ZNF536: variants seen among roughly 807,000 people sequenced by gnomAD.
The protein encoded by ZNF536 is zinc finger protein 536.
A neutral mutation model predicts 84.5 loss-of-function variants in ZNF536; 13 were observed. The observed-to-expected ratio is 0.15, with a 90% CI of 0.10 to 0.24. The LOEUF (loss-of-function observed/expected upper bound fraction) is 0.24, where lower values mean the gene tolerates loss of function less well. Ranked by LOEUF, ZNF536 falls within the 10% of genes least tolerant of loss-of-function variation. The pLI, the probability that ZNF536 is intolerant of heterozygous loss-of-function variation, is 1.00. For synonymous variants in ZNF536, 811 were observed against 742.5 expected, an observed-to-expected ratio of 1.09 and a Z score of -1.50; for missense variants, 1,536 against 1,747.5, an observed-to-expected ratio of 0.88 and a Z score of 2.16.
intron 1 of ZNF536, among the ~76,000 whole-genome samples, chr19:30,381,231 T>C (rs1358204596): frequency 6.6e-6 from 1 of 152,168 alleles, no homozygotes; most frequent in Non-Finnish European, 1.5e-5. Flanking sequence ...GGAGCTAATA[T>C]CTCTTGATTA....
intron 2 of ZNF536, among the ~76,000 whole-genome samples, chr19:30,295,985 A>G (rs997931344): frequency 6.6e-6 from 1 of 152,196 alleles, no homozygotes; most frequent in Non-Finnish European, 1.5e-5. Flanking sequence ...CATGGGGCCC[A>G]GACCAGTGTC....
At chr19:30,562,489 G>A (rs1446600869), downstream of ZNF536, among the ~76,000 whole-genome samples, 1 of 152,160 alleles carries the variant, frequency 6.6e-6, no homozygotes, top group African/African-American at 2.4e-5. Flanking sequence ...GGAGATCAAT[G>A]AAACTGGATT....
At chr19:30,622,996 GT>G in intron 1 of ZNF536, among the ~76,000 whole-genome samples, 1 of 143,172 alleles carries the variant, frequency 7.0e-6, no homozygotes, top group East Asian at 2.0e-4. Context: ...TGTCCTTCTG[GT>G]TTTTTCCAGC....
intron 3 of ZNF536, among the ~76,000 whole-genome samples, chr19:30,357,275 A>G (rs2146814156): frequency 6.6e-6 from 1 of 152,308 alleles, no homozygotes; most frequent in African/African-American, 2.4e-5. Context: ...AGCAGGGTGA[A>G]GTTCTGGGAA....
intron 1 of ZNF536, among the ~76,000 whole-genome samples, chr19:30,241,049 G>C (rs1231977813): frequency 6.6e-6 from 1 of 152,194 alleles, no homozygotes; most frequent in African/African-American, 2.4e-5. Flanking sequence ...CTGGGGCAGT[G>C]GCTCACACCT....
intron 1 of ZNF536, among the ~76,000 whole-genome samples, chr19:30,683,284 T>G (rs1480479470): frequency 6.6e-6 from 1 of 152,168 alleles, no homozygotes; most frequent in Non-Finnish European, 1.5e-5. Context: ...TATCAAATGA[T>G]GTGAAAGGGT....
chr19:30,562,896 G>A (rs1470499702), downstream of ZNF536, among the ~76,000 whole-genome samples: 1 of 152,092 alleles, frequency 6.6e-6, no homozygotes, highest in East Asian at 1.9e-4. Flanking sequence ...GGGTAGTTTG[G>A]AACAGTATGC....
At chr19:30,438,991 G>C (rs553508855) in intron 1 of ZNF536, among the ~76,000 whole-genome samples, 1 of 152,258 alleles carries the variant, frequency 6.6e-6, no homozygotes, top group African/African-American at 2.4e-5. Flanking sequence ...TCGTTTGCAG[G>C]CAGCTCCACT....
chr19:30,562,928 T>G (rs1186772378), downstream of ZNF536, among the ~76,000 whole-genome samples: 1 of 152,184 alleles, frequency 6.6e-6, no homozygotes, highest in Non-Finnish European at 1.5e-5. Context: ...ATGGGAAAGC[T>G]TTTTGCTTTC....
At chr19:30,671,628 A>G (rs1458402171) in intron 1 of ZNF536, among the ~76,000 whole-genome samples, 4 of 152,144 alleles carry the variant, frequency 2.6e-5, no homozygotes, top group Non-Finnish European at 5.9e-5. Context: ...GCTCTTCCTC[A>G]GTGACCAGAG....
chr19:30,382,436 T>C (rs1315650629), intron 1 of ZNF536, among the ~76,000 whole-genome samples: 3 of 152,246 alleles, frequency 2.0e-5, no homozygotes, highest in Admixed American at 2.0e-4. Context: ...ATTAGAACTT[T>C]CAAAAATTCA....
chr19:30,270,432 A>C (rs2025763000), intron 1 of ZNF536, among the ~76,000 whole-genome samples: 1 of 152,224 alleles, frequency 6.6e-6, no homozygotes, highest in Non-Finnish European at 1.5e-5. Flanking sequence ...ACAACACTTC[A>C]TTTACTTGAT....
intron 1 of ZNF536, among the ~76,000 whole-genome samples, chr19:30,250,143 T>C (rs969031973): frequency 2.0e-5 from 3 of 152,206 alleles, no homozygotes; most frequent in African/African-American, 7.2e-5. Flanking sequence ...AGATTACTTC[T>C]AAAGCAAGGA....
intron 1 of ZNF536, among the ~76,000 whole-genome samples, chr19:30,427,860 G>A (rs2051282671): frequency 6.6e-6 from 1 of 152,180 alleles, no homozygotes; most frequent in Non-Finnish European, 1.5e-5. Flanking sequence ...GACATGAGAC[G>A]ATGGAGGAAG....
chr19:30,392,581 C>T (rs79758971), intron 1 of ZNF536, among the ~76,000 whole-genome samples: 1,759 of 152,282 alleles, frequency 0.012, 16 homozygotes, highest in Non-Finnish European at 0.019. Flanking sequence ...AGCCAGTCCT[C>T]CTTCTTTCTG....
intron 2 of ZNF536, among the ~76,000 whole-genome samples, chr19:30,512,192 T>A (rs1187589687): frequency 2.0e-5 from 3 of 152,210 alleles, no homozygotes; most frequent in South Asian, 4.1e-4. Flanking sequence ...TAAAATATAC[T>A]GCAAAACACA....
intron 1 of ZNF536, among the ~76,000 whole-genome samples, chr19:30,425,316 C>T (rs776807167): frequency 8.6e-5 from 13 of 151,598 alleles, no homozygotes; most frequent in South Asian, 4.2e-4. Context: ...GAGGAGTAAC[C>T]GAGGGCCCCA....
downstream of ZNF536, among the ~76,000 whole-genome samples, chr19:30,561,313 C>T (rs1038968520): frequency 1.3e-5 from 2 of 152,158 alleles, no homozygotes; most frequent in African/African-American, 2.4e-5. Context: ...CCAAGGTGTG[C>T]CCTGCACCTG....
chr19:30,502,292 T>C (rs532285947), intron 2 of ZNF536, among the ~76,000 whole-genome samples: 27 of 152,320 alleles, frequency 1.8e-4, no homozygotes, highest in Middle Eastern at 3.4e-3. Flanking sequence ...CATTGTAACA[T>C]GCATCTGCAA....
Sources: allele counts gnomAD v4.1 joint callset (sites outside exome capture counted in the v4.1 genomes callset), GRCh38; gene constraint gnomAD v4.1.1; transcripts MANE v1.5; gene names NCBI Gene and HGNC (gene_info 2026-07-23, HGNC 2026-07-21).